TASP1: variants seen among roughly 807,000 people sequenced by gnomAD.
TASP1 encodes threonine aspartase 1.
Under a neutral mutation model 56.6 loss-of-function variants are expected in TASP1, and 16 were observed. That is an observed-to-expected ratio of 0.28 (90% CI 0.19 to 0.43). The LOEUF (loss-of-function observed/expected upper bound fraction) is 0.43. Ranked by LOEUF, TASP1 falls within the 20% of genes least tolerant of loss-of-function variation. The pLI, the probability that TASP1 is intolerant of heterozygous loss-of-function variation, is 1.00. For synonymous variants in TASP1, 179 were observed against 184.2 expected (o/e 0.97, Z 0.23); for missense variants, 393 against 511.6 (o/e 0.77, Z 2.24).
the TASP1 span, among the ~76,000 whole-genome samples, chr20:13,382,289 T>G: frequency 6.6e-6 from 1 of 152,176 alleles, no homozygotes; most frequent in Non-Finnish European, 1.5e-5. Flanking sequence ...CTCTGGGAAG[T>G]TGGAGTCTGT....
the TASP1 span, chr20:13,288,438 A>T: frequency 7.9e-7 from 1 of 1,268,830 alleles, no homozygotes; most frequent in East Asian, 2.5e-5. Flanking sequence ...ATCCCCTCCC[A>T]CAGCGAGAAG....
At chr20:13,273,215 T>TTTTATTTTA in the TASP1 span, among the ~76,000 whole-genome samples, 2 of 130,628 alleles carry the variant, frequency 1.5e-5, no homozygotes, top group African/African-American at 6.3e-5. Flanking sequence ...ACTTGGGTCT[T>TTTTATTTTA]TTTTATTTTA....
At chr20:13,255,944 C>A in the TASP1 span, among the ~76,000 whole-genome samples, 1 of 151,102 alleles carries the variant, frequency 6.6e-6, no homozygotes, top group Admixed American at 6.6e-5. Context: ...TTTGGTGTGA[C>A]TGCAGTTATA....
rs1287227000 is a variant in TASP1 at position 13,506,078 on chromosome 20, C to A, written c.874+22355G>T. ...GAAAAAAGACACATTACAACTGATACCACAGAAATCCAAAAGATTACAAGA... is the reference window on the plus strand; with the variant it reads ...GAAAAAAGACACATTACAACTGATAACACAGAAATCCAAAAGATTACAAGA... On this transcript the variant is annotated intron_variant, in intron 10 of 13. Coordinates refer to ENST00000337743, the MANE Select transcript of TASP1 (RefSeq NM_017714.3). 2.6e-5 allele frequency among the ~76,000 whole-genome samples: 4 copies of A among 152,092 alleles called. No individual in the cohort carries two copies. The South Asian group carries it at 8.3e-4, about 32-fold the overall frequency.
chr20:13,547,663 A>G (rs1224545429), intron 8 of TASP1, among the ~76,000 whole-genome samples: 1 of 152,152 alleles, frequency 6.6e-6, no homozygotes, highest in African/African-American at 2.4e-5. Context: ...GTATCTTCTG[A>G]TAGCACACAG....
chr20:13,472,199 T>C (rs1418635098), intron 11 of TASP1, among the ~76,000 whole-genome samples: 6 of 150,786 alleles, frequency 4.0e-5, no homozygotes, highest in African/African-American at 9.8e-5. Context: ...AACCATCTCA[T>C]CTTTGACAAA....
At chr20:13,363,217 C>T in the TASP1 span, among the ~76,000 whole-genome samples, 2 of 152,028 alleles carry the variant, frequency 1.3e-5, no homozygotes, top group Non-Finnish European at 2.9e-5. Flanking sequence ...TGATTACAAG[C>T]TTGGAACTTT....
chr20:13,110,680 G>C, the TASP1 span, among the ~76,000 whole-genome samples: 3 of 152,112 alleles, frequency 2.0e-5, no homozygotes, highest in African/African-American at 7.2e-5. Flanking sequence ...CAATACAAAA[G>C]ATCTGCCTGT....
the TASP1 span, among the ~76,000 whole-genome samples, chr20:13,365,492 T>C: frequency 1.3e-5 from 2 of 152,320 alleles, no homozygotes; most frequent in Non-Finnish European, 2.9e-5. Context: ...TGATGTGTCA[T>C]CAAAGGCCTG....
chr20:13,415,712 A>C (rs554042831), intron 13 of TASP1, among the ~76,000 whole-genome samples: 8 of 152,244 alleles, frequency 5.3e-5, no homozygotes, highest in Admixed American at 1.3e-4. Context: ...TCCTACCTAT[A>C]TTTCACATTA....
chr20:13,532,188 G>A (rs2045246833), intron 9 of TASP1, among the ~76,000 whole-genome samples: 1 of 152,180 alleles, frequency 6.6e-6, no homozygotes, highest in South Asian at 2.1e-4. Flanking sequence ...TTACAGGAGT[G>A]AGCCACTGCG....
chr20:13,575,029 A>G lies in TASP1; in HGVS notation c.489-5443T>C, dbSNP rs547188393. Among the ~76,000 whole-genome samples the G allele has an allele frequency of 2.6e-5, 4 of 152,308 alleles. No homozygotes were observed. The South Asian group carries it at 8.3e-4, about 32-fold the overall frequency. On this transcript the variant is annotated intron_variant, in intron 6 of 13. Transcript: ENST00000337743. Reference sequence around the variant, plus strand: ...CAAAGTTATTACAAGAAAACTATAAACCAGTATCACTCATAAACATATATG... The same window carrying G: ...CAAAGTTATTACAAGAAAACTATAAGCCAGTATCACTCATAAACATATATG...
the TASP1 span, among the ~76,000 whole-genome samples, chr20:13,209,355 T>C: frequency 6.6e-6 from 1 of 152,222 alleles, no homozygotes; most frequent in African/African-American, 2.4e-5. Flanking sequence ...GTAAAGTTAA[T>C]GTACTGTAGG....
chr20:13,299,277 C>T, the TASP1 span: 3 of 1,611,440 alleles, frequency 1.9e-6, no homozygotes, highest in African/African-American at 4.0e-5. The surrounding 1 kb of genome is among the most constrained non-coding windows in gnomAD (Gnocchi z 5.8). Context: ...CACGCCCAAC[C>T]TCATCAGCAC....
At chr20:13,420,456 G>A (rs1233120887) in intron 12 of TASP1, among the ~76,000 whole-genome samples, 3 of 152,068 alleles carry the variant, frequency 2.0e-5, no homozygotes, top group Admixed American at 2.0e-4. Context: ...CCATCCCACA[G>A]TAAAAGGCAA....
At chr20:13,109,385 C>T in the TASP1 span, among the ~76,000 whole-genome samples, 7 of 152,176 alleles carry the variant, frequency 4.6e-5, no homozygotes, top group African/African-American at 9.6e-5. Flanking sequence ...GATTCTGTTG[C>T]TTATGATAGA....
the TASP1 span, among the ~76,000 whole-genome samples, chr20:13,122,810 C>A: frequency 6.6e-6 from 1 of 152,126 alleles, no homozygotes; most frequent in African/African-American, 2.4e-5. Flanking sequence ...CTTTTCCTTT[C>A]TTTTCACTCC....
chr20:13,421,709 G>A (rs768203500), intron 12 of TASP1, among the ~76,000 whole-genome samples: 19 of 152,088 alleles, frequency 1.2e-4, no homozygotes, highest in African/African-American at 1.7e-4. Flanking sequence ...AAACAACATC[G>A]TGTTAGCTGG....
chr20:13,214,453 G>C, the TASP1 span, among the ~76,000 whole-genome samples: 1 of 151,006 alleles, frequency 6.6e-6, no homozygotes, highest in African/African-American at 2.4e-5. Flanking sequence ...TGGTGACTAG[G>C]ATCACTCCAG....
Sources: allele counts gnomAD v4.1 joint callset (sites outside exome capture counted in the v4.1 genomes callset), GRCh38; gene constraint gnomAD v4.1.1; non-coding constraint Gnocchi (gnomAD v3.1); transcripts MANE v1.5; gene names NCBI Gene and HGNC (gene_info 2026-07-23, HGNC 2026-07-21).